Variants in CDC42BPA observed in about 807,000 individuals in gnomAD.
The protein encoded by CDC42BPA is serine/threonine-protein kinase MRCK alpha.
Under a neutral mutation model 223.5 loss-of-function variants are expected in CDC42BPA, and 80 were observed. The ratio of observed to expected loss-of-function variants is 0.36; its 90% CI spans 0.30 to 0.43. The LOEUF (loss-of-function observed/expected upper bound fraction) is 0.43. Among genes scored for constraint, CDC42BPA ranks in the 20% least tolerant of loss-of-function variants. The pLI is 1.00. For synonymous variants in CDC42BPA, 694 were observed against 718.6 expected, an observed-to-expected ratio of 0.97 and a Z score of 0.55; for missense variants, 1,743 against 2,099.9, an observed-to-expected ratio of 0.83 and a Z score of 3.32.
chr1:227,226,450 G>A (rs1413961648), intron 2 of CDC42BPA, among the ~76,000 whole-genome samples: 1 of 152,200 alleles, frequency 6.6e-6, no homozygotes, highest in Non-Finnish European at 1.5e-5. Context: ...CAAACAGGAT[G>A]CAATTATATC....
chr1:227,135,484 A>G (rs1389310929), intron 10 of CDC42BPA, among the ~76,000 whole-genome samples: 1 of 152,138 alleles, frequency 6.6e-6, no homozygotes, highest in Non-Finnish European at 1.5e-5. Context: ...AGTGAAGGAG[A>G]AAGAGGCCCA....
intron 32 of CDC42BPA, among the ~76,000 whole-genome samples, chr1:227,020,563 G>A (rs535459759): frequency 6.6e-6 from 1 of 152,258 alleles, no homozygotes; most frequent in African/African-American, 2.4e-5. Context: ...CTTTTCTTCT[G>A]CAGGTTCCTG....
At chr1:227,260,982 A>C (rs552946957) in intron 1 of CDC42BPA, among the ~76,000 whole-genome samples, 1 of 151,170 alleles carries the variant, frequency 6.6e-6, no homozygotes, top group South Asian at 2.1e-4. Context: ...AATGAGTTAA[A>C]ATATACAAAG....
chr1:227,065,625 G>GA (rs1676886104), intron 21 of CDC42BPA, among the ~76,000 whole-genome samples: 1 of 152,056 alleles, frequency 6.6e-6, no homozygotes, highest in African/African-American at 2.4e-5. Context: ...ACATGTGGAG[G>GA]AAAAAATAGG....
chr1:227,153,692 AAGAG>A lies in CDC42BPA; in HGVS notation c.694-6137_694-6134del, dbSNP rs1321537634. Reference sequence around the variant, plus strand: ...TATAACGTATTAAAACTCAGGAAGAAAGAGAAAGTCCAACAGACCTATAATCATT... The same window carrying A: ...TATAACGTATTAAAACTCAGGAAGAAAAAGTCCAACAGACCTATAATCATT... On this transcript the variant is annotated intron_variant, in intron 6 of 36. Coordinates refer to ENST00000366766, the MANE Select transcript of CDC42BPA (RefSeq NM_001394014.1). Among the ~76,000 whole-genome samples, 4 of 152,078 alleles carry A rather than the reference AAGAG, an allele frequency of 2.6e-5. No individual in the cohort carries two copies. In the South Asian group the frequency reaches 8.3e-4, roughly 31 times the overall value.
intron 1 of CDC42BPA, among the ~76,000 whole-genome samples, chr1:227,265,944 A>G (rs891958492): frequency 6.6e-6 from 1 of 152,164 alleles, no homozygotes; most frequent in Non-Finnish European, 1.5e-5. Context: ...AAAGAAAAAA[A>G]CTCAAGAATT....
At chr1:227,214,915 A>G (rs543273613) in intron 2 of CDC42BPA, among the ~76,000 whole-genome samples, 28 of 152,292 alleles carry the variant, frequency 1.8e-4, no homozygotes, top group Middle Eastern at 6.8e-3. Flanking sequence ...CTATGGTAAG[A>G]GTTTTATACA....
At chr1:227,315,132 C>T (rs1694157150) in intron 1 of CDC42BPA, among the ~76,000 whole-genome samples, 1 of 152,004 alleles carries the variant, frequency 6.6e-6, no homozygotes, top group Non-Finnish European at 1.5e-5. Context: ...CTCCTGACAG[C>T]CTTTTCCATT....
chr1:227,275,796 G>T (rs1204152824), intron 1 of CDC42BPA, among the ~76,000 whole-genome samples: 1 of 152,184 alleles, frequency 6.6e-6, no homozygotes, highest in Non-Finnish European at 1.5e-5. Context: ...TGGAGAAGGG[G>T]TTTCGCCATG....
chr1:227,300,171 G>A (rs565462034), intron 1 of CDC42BPA, among the ~76,000 whole-genome samples: 1 of 152,310 alleles, frequency 6.6e-6, no homozygotes, highest in African/African-American at 2.4e-5. Flanking sequence ...AACAACAGAT[G>A]TTGCTGTGGA....
At chr1:227,141,920 GACTGCACC>G in intron 9 of CDC42BPA, among the ~76,000 whole-genome samples, 1 of 152,112 alleles carries the variant, frequency 6.6e-6, no homozygotes, top group Non-Finnish European at 1.5e-5. Flanking sequence ...AGTGAGCTAG[GACTGCACC>G]ACTGCATTCC....
intron 15 of CDC42BPA, 72 bp downstream of exon 15, chr1:227,100,920 G>A: frequency 1.0e-6 from 1 of 966,318 alleles, no homozygotes; most frequent in Non-Finnish European, 1.5e-6. Context: ...TATTGTCTAT[G>A]TATCTCCAAT....
intron 1 of CDC42BPA, among the ~76,000 whole-genome samples, chr1:227,263,582 ATTTTTTTT>A (rs34757020): frequency 8.9e-5 from 12 of 135,128 alleles, no homozygotes; most frequent in African/African-American, 3.3e-4. Flanking sequence ...TTGAGAATCA[ATTTTTTTT>A]TTTTTTTTTT....
chr1:227,238,684 A>G (rs1679506634), intron 2 of CDC42BPA, among the ~76,000 whole-genome samples: 1 of 152,234 alleles, frequency 6.6e-6, no homozygotes, highest in Non-Finnish European at 1.5e-5. Context: ...AAAGGTTAAT[A>G]TCATAAGAAA....
Position 227,317,315 on chromosome 1 carries a change from G to T in CDC42BPA, c.-133C>A. On this transcript the variant is annotated 5_prime_UTR_variant, in exon 1 of 37. Coordinates refer to ENST00000366766, the MANE Select transcript of CDC42BPA (RefSeq NM_001394014.1). ...TTCAAACAACTGTCATGCAATGCTG[G>T]TGCTGAATTAAACATCCAACACACC... is the stretch of plus-strand genomic sequence containing the variant. The T allele has an allele frequency of 1.1e-6, 1 of 911,788 alleles. No homozygotes were observed. The highest frequency in any genetic ancestry group is 1.6e-6 in the Non-Finnish European group (1 of 618,050). 56.5% of individuals were successfully genotyped at this position (911,788 alleles called of 1,614,324 possible).
At chr1:227,286,598 C>G (rs1647548851) in intron 1 of CDC42BPA, among the ~76,000 whole-genome samples, 8 of 152,170 alleles carry the variant, frequency 5.3e-5, no homozygotes. Flanking sequence ...TATCCAGTTC[C>G]AAAGCCACTT....
intron 2 of CDC42BPA, among the ~76,000 whole-genome samples, chr1:227,250,864 C>A (rs1681875924): frequency 6.6e-6 from 1 of 152,012 alleles, no homozygotes; most frequent in East Asian, 1.9e-4. Flanking sequence ...CCAGCCTAGG[C>A]AACGTAGGAA....
rs34787332 is a variant in CDC42BPA at position 227,230,816 on chromosome 1, C to CTTTTTTTTTT, written c.271-17598_271-17597insAAAAAAAAAA. 2.0e-3 allele frequency among the ~76,000 whole-genome samples: 110 copies of CTTTTTTTTTT among 54,062 alleles called. 2 individuals are homozygous for CTTTTTTTTTT. Among genetic ancestry groups the CTTTTTTTTTT allele is most frequent in the Non-Finnish European group, 3.0e-3 (77 of 26,056 alleles). The allele number at this position is 54,062 out of a possible 152,430, so 35.5% of individuals were successfully genotyped here. ...ACTGATTTCTATTTCTTTTTTCTTTCTTTCTTTTTTTTTTTTTTTTTTTGA... is the reference window on the plus strand; with the variant it reads ...ACTGATTTCTATTTCTTTTTTCTTTCTTTTTTTTTTTTTCTTTTTTTTTTTTTTTTTTTGA... On this transcript the variant is annotated intron_variant, in intron 2 of 36. Transcript: ENST00000366766.
intron 15 of CDC42BPA, among the ~76,000 whole-genome samples, chr1:227,099,230 A>G (rs2492630): frequency 0.63 from 95,948 of 151,724 alleles, 30,480 homozygotes; most frequent in East Asian, 0.72. Context: ...TAGAGTATAC[A>G]GCTTCTACTT....
Sources: gnomAD v4.1 joint callset for allele counts (sites outside exome capture counted in the v4.1 genomes callset) on GRCh38, gnomAD v4.1.1 for gene constraint, MANE v1.5 for transcripts, NCBI Gene and HGNC (gene_info 2026-07-23, HGNC 2026-07-21) for gene names.